PLPPR1: variants seen among roughly 807,000 people sequenced by gnomAD.
The protein encoded by PLPPR1 is phospholipid phosphatase-related protein type 1.
Under a neutral mutation model 33.1 loss-of-function variants are expected in PLPPR1, and 10 were observed. The observed-to-expected ratio is 0.30, with a 90% CI of 0.19 to 0.51. The LOEUF is 0.51. PLPPR1 is among the 20% of genes least tolerant of loss of function. The probability of loss-of-function intolerance (pLI) is 0.97; values close to 1 mark genes in which losing one functional copy is unlikely to be tolerated. For synonymous variants in PLPPR1, 151 were observed against 151.0 expected (o/e 1.00, Z 0.00); for missense variants, 304 against 408.1 (o/e 0.74, Z 2.20).
intron 4 of PLPPR1, among the ~76,000 whole-genome samples, chr9:101,290,741 G>A (rs958971728): frequency 6.6e-6 from 1 of 152,120 alleles, no homozygotes; most frequent in Non-Finnish European, 1.5e-5. Context: ...ATTTTTCATG[G>A]AGAATATTCA....
intron 1 of PLPPR1, among the ~76,000 whole-genome samples, chr9:101,155,603 TC>T (rs112659775): frequency 0.024 from 1,881 of 78,420 alleles, 37 homozygotes; most frequent in African/African-American, 0.064. Context: ...TCTCTCTCTC[TC>T]TTTTTTTTTT....
At chr9:101,061,883 A>G (rs1317068854) in intron 1 of PLPPR1, among the ~76,000 whole-genome samples, 1 of 152,002 alleles carries the variant, frequency 6.6e-6, no homozygotes, top group Non-Finnish European at 1.5e-5. Context: ...AATCTGAACG[A>G]AATTTTGGGG....
intron 4 of PLPPR1, among the ~76,000 whole-genome samples, chr9:101,307,005 G>T (rs1163432163): frequency 6.6e-6 from 1 of 152,230 alleles, no homozygotes; most frequent in Non-Finnish European, 1.5e-5. Flanking sequence ...ACCGCGCTTT[G>T]TTGGTGTGGC....
intron 1 of PLPPR1, among the ~76,000 whole-genome samples, chr9:101,067,037 G>A (rs1830427071): frequency 6.6e-6 from 1 of 152,032 alleles, no homozygotes. Flanking sequence ...TAAATGTCTT[G>A]CCTGAGATAG....
chr9:101,147,484 A>C (rs80329780), intron 1 of PLPPR1, among the ~76,000 whole-genome samples: 1,549 of 152,304 alleles, frequency 0.01, 27 homozygotes, highest in African/African-American at 0.035. Flanking sequence ...GGAGCAGAAT[A>C]GCATAAAGCA....
At position 101,188,342 on chromosome 9, in the gene PLPPR1, G is replaced by A. The variant is rs529663293; in HGVS notation, c.63+2785G>A. 4.6e-5 allele frequency among the ~76,000 whole-genome samples: 7 copies of A among 152,038 alleles called. No individual in the cohort carries two copies. The South Asian group carries it at 1.5e-3, about 32-fold the overall frequency. The stretch of plus-strand genomic sequence containing the variant: ...CATTATAGAAGCAACCTTGATATTT[G>A]TATATCAATTTCTTTGAAGAAATTT... On this transcript the variant is annotated intron_variant, in intron 2 of 7. Coordinates refer to ENST00000374874, the MANE Select transcript of PLPPR1 (RefSeq NM_207299.2).
chr9:101,168,701 A>AATGG (rs1449500466), intron 1 of PLPPR1, among the ~76,000 whole-genome samples: 1 of 152,162 alleles, frequency 6.6e-6, no homozygotes, highest in African/African-American at 2.4e-5. Flanking sequence ...TGGGTGGGTG[A>AATGG]ATGGATAAAG....
intron 1 of PLPPR1, among the ~76,000 whole-genome samples, chr9:101,148,003 G>A (rs925944199): frequency 1.3e-5 from 2 of 152,162 alleles, no homozygotes; most frequent in African/African-American, 4.8e-5. Context: ...TCACTTGAGG[G>A]TGGATATTAG....
chr9:101,088,487 G>A (rs1468058802), intron 1 of PLPPR1, among the ~76,000 whole-genome samples: 1 of 152,062 alleles, frequency 6.6e-6, no homozygotes, highest in African/African-American at 2.4e-5. Flanking sequence ...AGGCCATATA[G>A]TAGGCAAATG....
chr9:101,129,922 C>A (rs538595777), intron 1 of PLPPR1, among the ~76,000 whole-genome samples: 1 of 152,220 alleles, frequency 6.6e-6, no homozygotes, highest in South Asian at 2.1e-4. Context: ...AGATAGACAA[C>A]AAATAATATA....
intron 1 of PLPPR1, among the ~76,000 whole-genome samples, chr9:101,087,181 C>CA (rs559631571): frequency 1.4e-3 from 175 of 124,066 alleles, no homozygotes; most frequent in South Asian, 7.8e-3. Context: ...GACTCTGTCT[C>CA]AAAAAAAAAA....
chr9:101,228,022 A>ACC (rs1192919907), intron 2 of PLPPR1, among the ~76,000 whole-genome samples: 1 of 152,104 alleles, frequency 6.6e-6, no homozygotes, highest in East Asian at 1.9e-4. Flanking sequence ...CAGGAGATCC[A>ACC]CCCACCTTGG....
At chr9:101,205,608 C>T (rs537951194) in intron 2 of PLPPR1, among the ~76,000 whole-genome samples, 2 of 152,238 alleles carry the variant, frequency 1.3e-5, no homozygotes, top group East Asian at 3.9e-4. Context: ...TTTACATTGA[C>T]AAATTTCCTT....
chr9:101,181,867 TAC>T (rs752371995), intron 1 of PLPPR1, among the ~76,000 whole-genome samples: 1 of 149,044 alleles, frequency 6.7e-6, no homozygotes, highest in Non-Finnish European at 1.5e-5. Context: ...TATATATATA[TAC>T]ACACACATAT....
chr9:101,095,125 C>T (rs548725399), intron 1 of PLPPR1, among the ~76,000 whole-genome samples: 1 of 152,314 alleles, frequency 6.6e-6, no homozygotes, highest in Non-Finnish European at 1.5e-5. Flanking sequence ...CTGGAATGGT[C>T]CATTAGTACC....
chr9:101,160,663 C>G (rs570502549), intron 1 of PLPPR1, among the ~76,000 whole-genome samples: 103 of 152,078 alleles, frequency 6.8e-4, no homozygotes, highest in Non-Finnish European at 1.2e-3. Flanking sequence ...TGATGGAGAG[C>G]ATAAAATTAG....
chr9:101,077,755 C>A lies in PLPPR1; in HGVS notation c.-46+48653C>A, dbSNP rs140058667. Reference sequence around the variant, plus strand: ...AGGCAAGGGAGCTGCATCTAGGAACCCCCTTATATGACCTGGGTAGGGGGC... The same window carrying A: ...AGGCAAGGGAGCTGCATCTAGGAACACCCTTATATGACCTGGGTAGGGGGC... On this transcript the variant is annotated intron_variant, in intron 1 of 7. Coordinates refer to ENST00000374874, the MANE Select transcript of PLPPR1 (RefSeq NM_207299.2). Among the ~76,000 whole-genome samples, 201 of 152,064 alleles carry A rather than the reference C, an allele frequency of 1.3e-3. 2 individuals are homozygous for A. The highest frequency in any genetic ancestry group is 3.4e-3 in the Middle Eastern group (1 of 294).
At chr9:101,032,804 A>G (rs1161883221) in intron 1 of PLPPR1, among the ~76,000 whole-genome samples, 1 of 152,176 alleles carries the variant, frequency 6.6e-6, no homozygotes, top group East Asian at 1.9e-4. Flanking sequence ...AGCTGCCCCT[A>G]TGAAGAAGAA....
At chr9:101,298,586 T>G (rs1370711102) in intron 4 of PLPPR1, among the ~76,000 whole-genome samples, 1 of 152,182 alleles carries the variant, frequency 6.6e-6, no homozygotes, top group Non-Finnish European at 1.5e-5. Context: ...ATTCAATTAG[T>G]CTATTTCTGT....
Sources: gnomAD v4.1 joint callset for allele counts (sites outside exome capture counted in the v4.1 genomes callset) on GRCh38, gnomAD v4.1.1 for gene constraint, MANE v1.5 for transcripts, NCBI Gene and HGNC (gene_info 2026-07-23, HGNC 2026-07-21) for gene names.